ZNF746: variants seen among roughly 807,000 people sequenced by gnomAD.
The protein encoded by ZNF746 is parkin-interacting substrate.
Under a neutral mutation model 41.0 loss-of-function variants are expected in ZNF746, and 13 were observed. The observed-to-expected ratio is 0.32, with a 90% confidence interval of 0.21 to 0.50. The LOEUF is 0.50. Ranked by LOEUF, ZNF746 falls within the 20% of genes least tolerant of loss-of-function variation. The pLI is 0.98. For synonymous variants in ZNF746, 424 were observed against 396.2 expected (o/e 1.07, Z -0.83); for missense variants, 811 against 922.9 (o/e 0.88, Z 1.57).
chr7:149,492,990 G>A lies in ZNF746; in HGVS notation c.452-18C>T, dbSNP rs192697716. The A allele has an allele frequency of 1.1e-3, 1,736 of 1,581,108 alleles. 37 individuals are homozygous for A. The Admixed American group carries it at 0.028, about 25-fold the overall frequency. ...GGCGTAGTCTGAGGAAAGACAGAAG[G>A]TTAGTTTTTGCCACGTTCCAGTCAA... is the stretch of plus-strand genomic sequence containing the variant. On this transcript the variant is annotated intron_variant, in intron 3 of 6. Transcript: ENST00000458143.
In ZNF746 at chr7:149,497,053, C is replaced by G. The variant is rs1271967097; in HGVS notation, c.24+460G>C. 1.0e-6 allele frequency: 1 copy of G among 985,450 alleles called. No individual in the cohort carries two copies. The highest frequency in any genetic ancestry group is 1.1e-4 in the East Asian group (1 of 8,808). The allele number at this position is 985,450 out of a possible 1,614,324, so 61.0% of individuals were successfully genotyped here. ...GCGTGGCTCTATATTCCCTTCCGCG[C>G]CGACCCCGGGAAGCTGGGCACGTAG... On this transcript the variant is annotated intron_variant, in intron 1 of 6. Coordinates refer to ENST00000458143, the MANE Select transcript of ZNF746 (RefSeq NM_001394198.1). The surrounding 1 kb of genome is among the most constrained non-coding windows in gnomAD (Gnocchi z 4.2).
chr7:149,495,613 A>G (rs756204997), intron 1 of ZNF746, among the ~76,000 whole-genome samples: 2 of 152,334 alleles, frequency 1.3e-5, no homozygotes, highest in East Asian at 3.9e-4. Context: ...ATTCTGCAAA[A>G]TAATTCCTCA....
Position 149,497,641 on chromosome 7 carries a change from CCT to C in ZNF746, c.-107_-106del. On this transcript the variant is annotated 5_prime_UTR_variant, in exon 1 of 7. Transcript: ENST00000458143. This position sits in a 1 kb window ranked among gnomAD's most constrained non-coding sequence, Gnocchi z 4.2. ...CGGTGCTCTCCGCAGGCGGCGCCTGCCTGGCCTTTCCTCTGCCGCCGCTCCTC... is the reference window on the plus strand; with the variant it reads ...CGGTGCTCTCCGCAGGCGGCGCCTGCGGCCTTTCCTCTGCCGCCGCTCCTC... The C allele has an allele frequency of 1.1e-6, 1 of 878,400 alleles. No homozygotes were observed. The highest frequency in any genetic ancestry group is 1.4e-6 in the Non-Finnish European group (1 of 727,706). 54.4% of individuals were successfully genotyped at this position (878,400 alleles called of 1,614,324 possible).
intron 6 of ZNF746, 30 bp from the exon 7 acceptor site, chr7:149,475,513 C>T (rs969270243): frequency 8.8e-6 from 14 of 1,584,676 alleles, no homozygotes; most frequent in South Asian, 1.1e-5. Context: ...AGATACTGAC[C>T]TGTCCCTTAA....
In ZNF746 at chr7:149,494,589, G is replaced by A. The variant is rs1317687805; in HGVS notation, c.25-86C>T. 5.9e-6 allele frequency: 9 copies of A among 1,525,880 alleles called. No homozygotes were observed. The African/African-American group carries it at 1.1e-4, about 19-fold the overall frequency. The allele number at this position is 1,525,880 out of a possible 1,614,324, so 94.5% of individuals were successfully genotyped here. On this transcript the variant is annotated intron_variant, in intron 1 of 6. Transcript: ENST00000458143. The surrounding 1 kb of genome is among the most constrained non-coding windows in gnomAD (Gnocchi z 5.6). Reference sequence around the variant, plus strand: ...CTCTCTCCCTAGGCACGGGGGAGTTGGGCTGGGAGTCCATATGTGTGGACA... The same window carrying A: ...CTCTCTCCCTAGGCACGGGGGAGTTAGGCTGGGAGTCCATATGTGTGGACA...
chr7:149,479,023 G>C (rs1394066592), intron 4 of ZNF746, among the ~76,000 whole-genome samples: 1 of 152,194 alleles, frequency 6.6e-6, no homozygotes, highest in African/African-American at 2.4e-5. Context: ...AAAGTTAAGA[G>C]ACCTGGAGGA....
chr7:149,492,233 C>T (rs1800829540), intron 4 of ZNF746, among the ~76,000 whole-genome samples: 1 of 152,224 alleles, frequency 6.6e-6, no homozygotes. Context: ...ACTCCTCTTT[C>T]TCCTCAGCCT....
At chr7:149,485,803 G>A (rs1178956455) in intron 4 of ZNF746, among the ~76,000 whole-genome samples, 1 of 151,534 alleles carries the variant, frequency 6.6e-6, no homozygotes, top group Non-Finnish European at 1.5e-5. Context: ...ACTTTGGGAG[G>A]CCGAGGCAGC....
Position 149,492,889 on chromosome 7 carries a change from T to C in ZNF746, c.535A>G (p.Ile179Val), listed in dbSNP as rs1800856461. 1.2e-6 allele frequency: 2 copies of C among 1,614,074 alleles called. No homozygotes were observed. Among genetic ancestry groups the C allele is most frequent in the Non-Finnish European group, 8.5e-7 (1 of 1,179,998 alleles). ...CTGGGGTCCACAGGAACATCTGGAATCTTGGGGCCAGGGCGGCGCCAGTTG... is the reference window on the plus strand; with the variant it reads ...CTGGGGTCCACAGGAACATCTGGAACCTTGGGGCCAGGGCGGCGCCAGTTG... ...PCNWRRPGPK[I>V]PDVPVDPSPG... is the part of the protein sequence containing the mutation. The change falls in exon 4 of 7, where the codon ATT becomes GTT. Residue 179 changes from isoleucine to valine, a missense_variant. By Grantham distance (29) the Ile-to-Val change is conservative. Transcript: ENST00000458143.
At chr7:149,480,134 A>G (rs1043886057) in intron 4 of ZNF746, among the ~76,000 whole-genome samples, 1 of 152,206 alleles carries the variant, frequency 6.6e-6, no homozygotes, top group East Asian at 1.9e-4. Context: ...ACACATTCTC[A>G]GGAGGAAAGC....
chr7:149,480,997 T>C (rs1800469042), intron 4 of ZNF746, among the ~76,000 whole-genome samples: 2 of 152,152 alleles, frequency 1.3e-5, no homozygotes, highest in African/African-American at 4.8e-5. Flanking sequence ...TTTCAGTGAT[T>C]AAAGCAGGAT....
Position 149,474,271 on chromosome 7 carries a change from G to GC in ZNF746, c.*112_*113insG. The GC allele has an allele frequency of 8.1e-7, 1 of 1,235,806 alleles. No homozygotes were observed. The highest frequency in any genetic ancestry group is 1.1e-6 in the Non-Finnish European group (1 of 889,560). 76.6% of individuals were successfully genotyped at this position (1,235,806 alleles called of 1,614,324 possible). On this transcript the variant is annotated 3_prime_UTR_variant, in exon 7 of 7. Transcript: ENST00000458143. The surrounding 1 kb of genome is among the most constrained non-coding windows in gnomAD (Gnocchi z 6.3). Reference sequence around the variant, plus strand: ...CCAGTGATCATCAGTTCAGCAACTTGGACATTTGGTTCTCCCCGTCCCGCG... The same window carrying GC: ...CCAGTGATCATCAGTTCAGCAACTTGCGACATTTGGTTCTCCCCGTCCCGCG...
intron 4 of ZNF746, among the ~76,000 whole-genome samples, chr7:149,480,650 G>A (rs1800459093): frequency 6.6e-6 from 1 of 152,096 alleles, no homozygotes; most frequent in Non-Finnish European, 1.5e-5. Flanking sequence ...TGCCCAGGCT[G>A]GTCTTGAACT....
chr7:149,486,735 T>A (rs1800635967), intron 4 of ZNF746, among the ~76,000 whole-genome samples: 1 of 152,194 alleles, frequency 6.6e-6, no homozygotes, highest in Non-Finnish European at 1.5e-5. Context: ...TTTCTGAATT[T>A]TCAGTTTATG....
chr7:149,497,108 G>T lies in ZNF746; in HGVS notation c.24+405C>A. ...AGTCGGTGTATGCGGATTCGAAGCC[G>T]GACACCTCCCAGGTGCCACCAGGCC... On this transcript the variant is annotated intron_variant, in intron 1 of 6. Coordinates refer to ENST00000458143, the MANE Select transcript of ZNF746 (RefSeq NM_001394198.1). This position sits in a 1 kb window ranked among gnomAD's most constrained non-coding sequence, Gnocchi z 4.2. 3.0e-6 allele frequency: 3 copies of T among 985,374 alleles called. No individual in the cohort carries two copies. Among genetic ancestry groups the T allele is most frequent in the Non-Finnish European group, 3.6e-6 (3 of 829,920 alleles). 61.0% of individuals were successfully genotyped at this position (985,374 alleles called of 1,614,324 possible).
intron 4 of ZNF746, among the ~76,000 whole-genome samples, chr7:149,482,443 C>A (rs1800509483): frequency 6.6e-6 from 1 of 150,490 alleles, no homozygotes; most frequent in Non-Finnish European, 1.5e-5. Context: ...AGTAAACTAA[C>A]CAGGAAGATA....
Position 149,477,817 on chromosome 7 carries a change from G to T in ZNF746, c.566-62C>A, listed in dbSNP as rs1019209852. The T allele has an allele frequency of 7.9e-6, 11 of 1,384,876 alleles. 1 individual carries two copies. The Admixed American group carries it at 2.4e-4, about 30-fold the overall frequency. 85.8% of individuals were successfully genotyped at this position (1,384,876 alleles called of 1,614,324 possible). Reference sequence around the variant, plus strand: ...GGCCCCTCAGCCCTGGGGCATACACGCATCCAGCCGGAGAGATAGACACAG... The same window carrying T: ...GGCCCCTCAGCCCTGGGGCATACACTCATCCAGCCGGAGAGATAGACACAG... On this transcript the variant is annotated intron_variant, in intron 4 of 6. Coordinates refer to ENST00000458143, the MANE Select transcript of ZNF746 (RefSeq NM_001394198.1).
intron 4 of ZNF746, among the ~76,000 whole-genome samples, chr7:149,485,690 A>G (rs1003051398): frequency 6.6e-6 from 1 of 151,714 alleles, no homozygotes; most frequent in Admixed American, 6.6e-5. Flanking sequence ...CCACAAATGG[A>G]GAAGATAACG....
At chr7:149,490,735 C>A (rs543042963) in intron 4 of ZNF746, 1 of 152,582 alleles carries the variant, frequency 6.6e-6, no homozygotes, top group African/African-American at 2.4e-5. Context: ...TGGGGGGGCA[C>A]AGGACAATCA....
Sources: allele counts gnomAD v4.1 joint callset (sites outside exome capture counted in the v4.1 genomes callset), GRCh38; gene constraint gnomAD v4.1.1; non-coding constraint Gnocchi (gnomAD v3.1); transcripts MANE v1.5; gene names NCBI Gene and HGNC (gene_info 2026-07-23, HGNC 2026-07-21).